Variants in ATP9A observed in about 807,000 individuals in gnomAD.
The protein encoded by ATP9A is probable phospholipid-transporting ATPase IIA.
In ATP9A, 52 loss-of-function variants were observed where a neutral mutation model predicts 144.1. The ratio of observed to expected loss-of-function variants is 0.36; its 90% CI spans 0.29 to 0.45. The LOEUF (loss-of-function observed/expected upper bound fraction) is 0.45. ATP9A is among the 20% of genes least tolerant of loss of function. ATP9A has a pLI of 1.00. For synonymous variants in ATP9A, 582 were observed against 557.4 expected, an observed-to-expected ratio of 1.04 and a Z score of -0.62; for missense variants, 947 against 1,392.7, an observed-to-expected ratio of 0.68 and a Z score of 5.09.
rs754676236 is a variant in ATP9A, at chr20:51,618,653, C to T, written c.2350+9G>A. 1.2e-6 allele frequency: 2 copies of T among 1,608,534 alleles called. No homozygotes were observed. The highest frequency in any genetic ancestry group is 2.2e-5 in the East Asian group (1 of 44,848). ...CCAGGGCCAGCAGCACAGCCTGAGC[C>T]TCGCCTACCTACTGCACAGGTGAGC... is the stretch of plus-strand genomic sequence containing the variant. On this transcript the variant is annotated intron_variant, in intron 21 of 27. Coordinates refer to ENST00000338821, the MANE Select transcript of ATP9A (RefSeq NM_006045.3).
At chr20:51,706,464 G>A (rs2077614989) in intron 4 of ATP9A, among the ~76,000 whole-genome samples, 1 of 152,212 alleles carries the variant, frequency 6.6e-6, no homozygotes, top group Admixed American at 6.5e-5. Flanking sequence ...GGGCTATCTA[G>A]AAGACTACAG....
chr20:51,751,265 T>TG (rs1158380740), intron 1 of ATP9A, among the ~76,000 whole-genome samples: 4 of 147,780 alleles, frequency 2.7e-5, no homozygotes, highest in East Asian at 2.0e-4. Flanking sequence ...TTTTTTGTTT[T>TG]TTTTTTTTTT....
intron 4 of ATP9A, among the ~76,000 whole-genome samples, chr20:51,702,359 TGTGTTC>T (rs1294809609): frequency 2.3e-5 from 3 of 128,056 alleles, no homozygotes; most frequent in Non-Finnish European, 4.8e-5. Flanking sequence ...TCATGGTGTG[TGTGTTC>T]GTGTGTGTGT....
Position 51,719,001 on chromosome 20 carries a change from G to A in ATP9A, c.328-5927C>T, listed in dbSNP as rs1470537464. Among the ~76,000 whole-genome samples the A allele has an allele frequency of 7.3e-5, 11 of 150,656 alleles. No individual in the cohort carries two copies. In the East Asian group the frequency reaches 9.8e-4, roughly 13 times the overall value. On this transcript the variant is annotated intron_variant, in intron 3 of 27. Coordinates refer to ENST00000338821, the MANE Select transcript of ATP9A (RefSeq NM_006045.3). ...AAATTAGCTGGGCGTGGTGGTGCGC[G>A]CCTGTAGTCCCAGCTACTCAAGAGG...
chr20:51,625,465 G>T, intron 17 of ATP9A, 103 bp from the exon 18 acceptor site: 1 of 1,357,504 alleles, frequency 7.4e-7, no homozygotes, highest in East Asian at 2.5e-5. Context: ...CCCACCACAC[G>T]GGGTGGGGGA....
At chr20:51,740,751 A>G (rs2077781535) in intron 1 of ATP9A, among the ~76,000 whole-genome samples, 1 of 149,680 alleles carries the variant, frequency 6.7e-6, no homozygotes, top group Non-Finnish European at 1.5e-5. Context: ...TTTATTTTTT[A>G]TTTTTAGTAA....
intron 4 of ATP9A, among the ~76,000 whole-genome samples, chr20:51,709,043 T>C (rs1390687972): frequency 2.0e-5 from 3 of 152,212 alleles, no homozygotes; most frequent in Admixed American, 6.5e-5. Context: ...TAGCAATATA[T>C]TGATGCTCAA....
In ATP9A at chr20:51,598,470, T is replaced by C. The variant is rs1175236182; in HGVS notation, c.*2741A>G. ...GGCCCATGGAGCTCCCAGGTGACAG[T>C]GTCAATGGCGCTTTATGTAAGTTCT... On this transcript the variant is annotated 3_prime_UTR_variant, in exon 28 of 28. Coordinates refer to ENST00000338821, the MANE Select transcript of ATP9A (RefSeq NM_006045.3). 1 of 152,046 alleles carries C rather than the reference T, an allele frequency of 6.6e-6. No individual in the cohort carries two copies. Among genetic ancestry groups the C allele is most frequent in the Non-Finnish European group, 1.5e-5 (1 of 68,012 alleles). The allele number at this position is 152,046 out of a possible 1,614,324, so 9.4% of individuals were successfully genotyped here. A position where few individuals can be genotyped will look rare whatever the true frequency, so the allele number is the denominator to read the frequency against.
At position 51,729,786 on chromosome 20, in the gene ATP9A, T is replaced by C. The variant is rs369181431; in HGVS notation, c.213+48A>G. On this transcript the variant is annotated intron_variant, in intron 2 of 27. Coordinates refer to ENST00000338821, the MANE Select transcript of ATP9A (RefSeq NM_006045.3). ...GACATAACATCTGTACCAATGCATG[T>C]ATTTGTGATGGAAAAAAGAAAAGAG... is the stretch of plus-strand genomic sequence containing the variant. The C allele has an allele frequency of 8.6e-6, 13 of 1,504,612 alleles. No individual in the cohort carries two copies. The African/African-American group carries it at 1.8e-4, about 21-fold the overall frequency. 93.2% of individuals were successfully genotyped at this position (1,504,612 alleles called of 1,614,324 possible). A position where few individuals can be genotyped will look rare whatever the true frequency, so the allele number is the denominator to read the frequency against.
rs371999110 is a variant in ATP9A at position 51,656,165 on chromosome 20, T to C, written c.1506+773A>G. 2.7e-3 allele frequency among the ~76,000 whole-genome samples: 401 copies of C among 151,252 alleles called. 2 individuals are homozygous for C. Among genetic ancestry groups the C allele is most frequent in the African/African-American group, 9.3e-3 (384 of 41,204 alleles). On this transcript the variant is annotated intron_variant, in intron 14 of 27. Coordinates refer to ENST00000338821, the MANE Select transcript of ATP9A (RefSeq NM_006045.3). Reference sequence around the variant, plus strand: ...AGGGAGTACAGCAGGAAAGTGGGTATAGAATTTCCTTTGGGGTGATAAAAA... The same window carrying C: ...AGGGAGTACAGCAGGAAAGTGGGTACAGAATTTCCTTTGGGGTGATAAAAA...
At chr20:51,676,099 G>T in intron 10 of ATP9A, 33 bp downstream of exon 10, 1 of 1,560,654 alleles carries the variant, frequency 6.4e-7, no homozygotes, top group Non-Finnish European at 8.8e-7. Context: ...CCAGCCCACA[G>T]CCGGTCAATG....
intron 27 of ATP9A, among the ~76,000 whole-genome samples, chr20:51,602,852 TAC>T (rs2077148466): frequency 6.6e-6 from 1 of 152,236 alleles, no homozygotes; most frequent in Non-Finnish European, 1.5e-5. Context: ...GTCACAGGTA[TAC>T]TGTGTATCTG....
chr20:51,694,809 T>A (rs757011306), intron 6 of ATP9A, among the ~76,000 whole-genome samples: 19 of 152,338 alleles, frequency 1.2e-4, no homozygotes, highest in Non-Finnish European at 2.2e-4. Flanking sequence ...TCACTGCCAC[T>A]GCAGTTCAGT....
chr20:51,765,446 G>C (rs914674922), intron 1 of ATP9A, among the ~76,000 whole-genome samples: 3 of 151,904 alleles, frequency 2.0e-5, no homozygotes, highest in African/African-American at 7.3e-5. Flanking sequence ...CCTGAGGTAA[G>C]GAGTTCGAGA....
At chr20:51,686,207 G>A (rs1485570646) in intron 9 of ATP9A, among the ~76,000 whole-genome samples, 1 of 151,872 alleles carries the variant, frequency 6.6e-6, no homozygotes, top group Admixed American at 6.6e-5. Context: ...CACACACCGG[G>A]GCCTGTCGTG....
At position 51,626,444 on chromosome 20, in the gene ATP9A, G is replaced by A. The variant is rs150705468; in HGVS notation, c.1846-1082C>T. Among the ~76,000 whole-genome samples, 243 of 151,798 alleles carry A rather than the reference G, an allele frequency of 1.6e-3. 1 individual carries two copies. The highest frequency in any genetic ancestry group is 2.6e-3 in the Admixed American group (40 of 15,242). On this transcript the variant is annotated intron_variant, in intron 17 of 27. Transcript: ENST00000338821. ...GCAGAGGTTGCAGTGAGCAGAGATCGTGCCATTGGCACTACAGTCTGGGCA... is the reference window on the plus strand; with the variant it reads ...GCAGAGGTTGCAGTGAGCAGAGATCATGCCATTGGCACTACAGTCTGGGCA...
At chr20:51,650,901 A>T (rs1039945946) in intron 14 of ATP9A, among the ~76,000 whole-genome samples, 7 of 123,502 alleles carry the variant, frequency 5.7e-5, no homozygotes, top group African/African-American at 1.6e-4. Flanking sequence ...TACATCACAC[A>T]TACACACACA....
intron 4 of ATP9A, among the ~76,000 whole-genome samples, chr20:51,710,525 C>T (rs895619625): frequency 6.6e-6 from 1 of 152,188 alleles, no homozygotes; most frequent in Admixed American, 6.5e-5. Context: ...CTGGCCCTCC[C>T]CCCAAAAGCG....
chr20:51,753,412 T>C (rs13044750), intron 1 of ATP9A, among the ~76,000 whole-genome samples: 2 of 151,506 alleles, frequency 1.3e-5, no homozygotes, highest in South Asian at 4.2e-4. Context: ...AATCATGCCA[T>C]TGCAATCCAG....
Sources: allele counts gnomAD v4.1 joint callset (sites outside exome capture counted in the v4.1 genomes callset), GRCh38; gene constraint gnomAD v4.1.1; transcripts MANE v1.5; gene names NCBI Gene and HGNC (gene_info 2026-07-23, HGNC 2026-07-21).